Variants in GRM7 observed in about 807,000 individuals in gnomAD.
The protein encoded by GRM7 is metabotropic glutamate receptor 7.
Under a neutral mutation model 84.5 loss-of-function variants are expected in GRM7, and 35 were observed. That is an observed-to-expected ratio of 0.41 (90% CI 0.32 to 0.55). The LOEUF (loss-of-function observed/expected upper bound fraction) is 0.55, where lower values mean the gene tolerates loss of function less well. Among genes scored for constraint, GRM7 ranks in the 20% least tolerant of loss-of-function variants. The pLI is 0.19. For synonymous variants in GRM7, 487 were observed against 455.1 expected, an observed-to-expected ratio of 1.07 and a Z score of -0.89; for missense variants, 1,003 against 1,194.6, an observed-to-expected ratio of 0.84 and a Z score of 2.36.
intron 2 of GRM7, among the ~76,000 whole-genome samples, chr3:7,216,789 T>C (rs569293662): frequency 1.3e-5 from 2 of 152,226 alleles, no homozygotes; most frequent in Non-Finnish European, 2.9e-5. Flanking sequence ...CTCTCCCTGT[T>C]GATGTTGCTT....
chr3:7,530,630 G>A (rs1043459791), intron 7 of GRM7, among the ~76,000 whole-genome samples: 4 of 152,084 alleles, frequency 2.6e-5, no homozygotes, highest in African/African-American at 9.6e-5. Flanking sequence ...TTTAATGATC[G>A]CCTTTCTAAC....
intron 5 of GRM7, among the ~76,000 whole-genome samples, chr3:7,431,389 G>A (rs1696823927): frequency 1.3e-5 from 2 of 151,998 alleles, no homozygotes; most frequent in South Asian, 4.2e-4. Flanking sequence ...AGATAACAAA[G>A]CAATAGTTCC....
intron 2 of GRM7, among the ~76,000 whole-genome samples, chr3:7,267,917 A>G (rs980868250): frequency 3.9e-5 from 6 of 152,030 alleles, no homozygotes; most frequent in Non-Finnish European, 5.9e-5. Context: ...AGGAGCCCAG[A>G]AATCTGATTT....
intron 1 of GRM7, among the ~76,000 whole-genome samples, chr3:7,064,837 A>G (rs941705915): frequency 6.6e-6 from 1 of 151,578 alleles, no homozygotes; most frequent in Non-Finnish European, 1.5e-5. Flanking sequence ...TTCTGTGTTC[A>G]CTGCATCCAT....
intron 9 of GRM7, among the ~76,000 whole-genome samples, chr3:7,692,873 GC>G: frequency 6.6e-6 from 1 of 152,122 alleles, no homozygotes; most frequent in South Asian, 2.1e-4. Flanking sequence ...GATTCTAGAG[GC>G]CCTCAGTTTG....
intron 4 of GRM7, among the ~76,000 whole-genome samples, chr3:7,353,502 G>C (rs554011485): frequency 9.9e-5 from 15 of 152,088 alleles, no homozygotes; most frequent in Non-Finnish European, 4.4e-5. Flanking sequence ...CACCATGAAT[G>C]AGCTGGAGAT....
At chr3:7,233,604 A>G (rs1575063073) in intron 2 of GRM7, among the ~76,000 whole-genome samples, 1 of 152,144 alleles carries the variant, frequency 6.6e-6, no homozygotes, top group Non-Finnish European at 1.5e-5. Flanking sequence ...TTGTAATTGT[A>G]CCAACTATGA....
At chr3:7,622,183 T>C (rs751225621) in intron 8 of GRM7, among the ~76,000 whole-genome samples, 25 of 152,084 alleles carry the variant, frequency 1.6e-4, no homozygotes, top group Non-Finnish European at 3.1e-4. Context: ...CAGGGGTTGA[T>C]AGTAGATGTG....
At chr3:7,436,424 GT>G (rs1240377176) in intron 5 of GRM7, among the ~76,000 whole-genome samples, 1 of 151,866 alleles carries the variant, frequency 6.6e-6, no homozygotes, top group Non-Finnish European at 1.5e-5. Context: ...TAACCATATT[GT>G]TTAAAATTTA....
intron 1 of GRM7, among the ~76,000 whole-genome samples, chr3:7,145,957 T>C (rs1694096341): frequency 6.6e-6 from 1 of 152,186 alleles, no homozygotes; most frequent in Non-Finnish European, 1.5e-5. Flanking sequence ...AATTAGATAA[T>C]GCTTGTGACT....
intron 8 of GRM7, among the ~76,000 whole-genome samples, chr3:7,656,543 G>A (rs1184658232): frequency 3.5e-4 from 42 of 119,970 alleles, no homozygotes; most frequent in East Asian, 1.1e-3. Context: ...ATATATACGC[G>A]CGCGCACACA....
At chr3:7,729,820 G>A (rs919167638) in intron 9 of GRM7, among the ~76,000 whole-genome samples, 18 of 148,176 alleles carry the variant, frequency 1.2e-4, no homozygotes, top group African/African-American at 2.7e-4. Flanking sequence ...ATTCTCCTGC[G>A]TCAGCCTCCT....
At chr3:7,276,229 G>C (rs2124986317) in intron 2 of GRM7, among the ~76,000 whole-genome samples, 1 of 151,292 alleles carries the variant, frequency 6.6e-6, no homozygotes, top group South Asian at 2.1e-4. Context: ...GTGTGTGTGT[G>C]TGTGTGTGTG....
intron 4 of GRM7, among the ~76,000 whole-genome samples, chr3:7,401,547 G>A (rs368621543): frequency 9.2e-5 from 14 of 151,722 alleles, no homozygotes; most frequent in East Asian, 3.9e-4. Context: ...CCAATCTGGC[G>A]GCAGATTGAA....
chr3:7,478,195 T>G (rs1022717265), intron 7 of GRM7, among the ~76,000 whole-genome samples: 1 of 152,134 alleles, frequency 6.6e-6, no homozygotes, highest in Non-Finnish European at 1.5e-5. Context: ...TCAGGAACCG[T>G]GAATTTACAG....
intron 2 of GRM7, among the ~76,000 whole-genome samples, chr3:7,246,696 T>C (rs1697774135): frequency 6.6e-6 from 1 of 152,034 alleles, no homozygotes; most frequent in Non-Finnish European, 1.5e-5. Context: ...ACCTAAGAAG[T>C]CTCTCTAGTA....
At chr3:7,567,083 G>A (rs1458067716) in intron 7 of GRM7, among the ~76,000 whole-genome samples, 1 of 152,130 alleles carries the variant, frequency 6.6e-6, no homozygotes, top group Non-Finnish European at 1.5e-5. Context: ...CATTAGACTT[G>A]GTTGTTTGGG....
rs559395422 is a variant in GRM7 at position 7,300,229 on chromosome 3, C to CTGGG, written c.878+1405_878+1408dup. 5.8e-3 allele frequency among the ~76,000 whole-genome samples: 876 copies of CTGGG among 152,204 alleles called. 6 individuals carry two copies. The highest frequency in any genetic ancestry group is 0.02 in the South Asian group (98 of 4,826). ...TTATTCAGGGTAAAGGTTTAATGGCCTGGGCCCTTAAGTTCCTGCTTGGAT... is the reference window on the plus strand; with the variant it reads ...TTATTCAGGGTAAAGGTTTAATGGCCTGGGTGGGCCCTTAAGTTCCTGCTTGGAT... On this transcript the variant is annotated intron_variant, in intron 3 of 9. Coordinates refer to ENST00000357716, the MANE Select transcript of GRM7 (RefSeq NM_000844.4).
At chr3:7,128,385 G>A (rs1238583385) in intron 1 of GRM7, among the ~76,000 whole-genome samples, 2 of 151,570 alleles carry the variant, frequency 1.3e-5, no homozygotes, top group African/African-American at 2.4e-5. Flanking sequence ...ATTGCCTCAC[G>A]ATGAAAGGTC....
Sources: allele counts gnomAD v4.1 joint callset (sites outside exome capture counted in the v4.1 genomes callset), GRCh38; gene constraint gnomAD v4.1.1; transcripts MANE v1.5; gene names NCBI Gene and HGNC (gene_info 2026-07-23, HGNC 2026-07-21).